FKBP7: variants seen among roughly 807,000 people sequenced by gnomAD.
The protein encoded by FKBP7 is peptidyl-prolyl cis-trans isomerase FKBP7.
FKBP7 carries 24 observed loss-of-function variants against 24.3 expected under a neutral mutation model. The observed-to-expected ratio is 0.99, with a 90% CI of 0.72 to 1.39. The LOEUF is 1.39. FKBP7 is among the 40% of genes most tolerant of loss of function. The probability of loss-of-function intolerance (pLI) is 0.00; values close to 1 mark genes in which losing one functional copy is unlikely to be tolerated. For synonymous variants in FKBP7, 98 were observed against 92.8 expected, an observed-to-expected ratio of 1.06 and a Z score of -0.32; for missense variants, 257 against 269.5, an observed-to-expected ratio of 0.95 and a Z score of 0.33.
chr2:178,463,838 C>CT lies in FKBP7; in HGVS notation c.*1931dup, dbSNP rs1220131122. ...TTACAAAGTTTAGATTATAGGGTGA[C>CT]TTCTTAATATGGATACAAAAAATTG... On this transcript the variant is annotated 3_prime_UTR_variant, in exon 4 of 4. Transcript: ENST00000424785. The CT allele has an allele frequency of 4.1e-4, 63 of 152,220 alleles. No homozygotes were observed. The highest frequency in any genetic ancestry group is 1.3e-3 in the African/African-American group (56 of 41,514). 9.4% of individuals were successfully genotyped at this position (152,220 alleles called of 1,614,324 possible). A position where few individuals can be genotyped will look rare whatever the true frequency, so the allele number is the denominator to read the frequency against.
chr2:178,477,088 G>A lies in FKBP7; in HGVS notation c.347C>T (p.Ser116Leu), dbSNP rs1402375150. ...ATAGCCTTCCTTTCCGTATGCAAAT[G>A]AAGGGGGTATAACTACTTTTCGCTT... ...GEKRKVVIPP[S>L]FAYGKEGYAE... The change falls in exon 2 of 4, where the codon TCA becomes TTA. Residue 116 changes from serine to leucine, a missense_variant. Ser to Leu is a moderately radical substitution (Grantham distance 145). Transcript: ENST00000424785. The A allele has an allele frequency of 6.2e-7, 1 of 1,605,930 alleles. No homozygotes were observed. Among genetic ancestry groups the A allele is most frequent in the South Asian group, 1.1e-5 (1 of 89,218 alleles).
intron 3 of FKBP7, 103 bp downstream of exon 3, chr2:178,469,549 A>G (rs1355703566): frequency 1.6e-5 from 19 of 1,186,290 alleles, no homozygotes; most frequent in Non-Finnish European, 2.2e-5. Flanking sequence ...AGCAGTGATC[A>G]GAGCCCATGC....
At chr2:178,469,625 T>A in intron 3 of FKBP7, 27 bp downstream of exon 3, 2 of 1,612,030 alleles carry the variant, frequency 1.2e-6, no homozygotes, top group Non-Finnish European at 1.7e-6. Flanking sequence ...AAAATTAGAC[T>A]ATACACATGA....
rs1242664110 is a variant in FKBP7 at position 178,478,326 on chromosome 2, G to T, written c.174C>A (p.Ala58=). The T allele has an allele frequency of 1.2e-6, 2 of 1,614,040 alleles. No individual in the cohort carries two copies. The highest frequency in any genetic ancestry group is 1.7e-5 in the Admixed American group (1 of 60,022). ...KTSKKGDLLN[A]HYDGYLAKDG... is the part of the protein sequence containing the mutation. Reference sequence around the variant, plus strand: ...CTTTAGCCAGGTAGCCGTCATAATGGGCATTTAGTAGGTCTCCCTTCTTGC... The same window carrying T: ...CTTTAGCCAGGTAGCCGTCATAATGTGCATTTAGTAGGTCTCCCTTCTTGC... Residue 58 remains alanine, a synonymous_variant, in exon 1 of 4, where the codon GCC becomes GCA. Transcript: ENST00000424785.
chr2:178,477,149 G>C lies in FKBP7; in HGVS notation c.286C>G (p.Leu96Val). 1.9e-6 allele frequency: 3 copies of C among 1,612,866 alleles called. No individual in the cohort carries two copies. Among genetic ancestry groups the C allele is most frequent in the Non-Finnish European group, 2.5e-6 (3 of 1,179,396 alleles). Reference protein sequence around the residue: ...VLGVGQVIKGLDIAMTDMCPG... With the variant: ...VLGVGQVIKGVDIAMTDMCPG... Reference sequence around the variant, plus strand: ...CACATATCTGTCATAGCAATGTCTAGGCCTTTTATGACTTGCCCAACACCA... The same window carrying C: ...CACATATCTGTCATAGCAATGTCTACGCCTTTTATGACTTGCCCAACACCA... Residue 96 changes from leucine to valine, a missense_variant, in exon 2 of 4, where the codon CTA becomes GTA. Physicochemically the swap from Leu to Val is conservative, Grantham distance 32 (BLOSUM62 1). Transcript: ENST00000424785.
chr2:178,465,792 A>G lies in FKBP7; in HGVS notation c.647T>C (p.Val216Ala). The change falls in exon 4 of 4, where the codon GTA becomes GCA. Residue 216 changes from valine to alanine, a missense_variant. Val to Ala is a moderately conservative substitution (Grantham distance 64). Coordinates refer to ENST00000424785, the MANE Select transcript of FKBP7 (RefSeq NM_181342.3). Reference sequence around the variant, plus strand: ...ATGCTATAGTTCATCGTGTTGGTATACATTGTATTCCTTGGGAGAAATGAA... The same window carrying G: ...ATGCTATAGTTCATCGTGTTGGTATGCATTGTATTCCTTGGGAGAAATGAA... ...DGFISPKEYN[V>A]YQHDEL 1 of 1,604,882 alleles carries G rather than the reference A, an allele frequency of 6.2e-7. No individual in the cohort carries two copies. The highest frequency in any genetic ancestry group is 1.3e-5 in the African/African-American group (1 of 74,556).
intron 2 of FKBP7, among the ~76,000 whole-genome samples, chr2:178,474,004 A>G (rs1050795977): frequency 6.6e-6 from 1 of 152,116 alleles, no homozygotes; most frequent in Non-Finnish European, 1.5e-5. Flanking sequence ...ACTGGGTCTG[A>G]CTCAAAGCAC....
chr2:178,476,165 A>G (rs532166155), intron 2 of FKBP7, among the ~76,000 whole-genome samples: 1 of 152,356 alleles, frequency 6.6e-6, no homozygotes, highest in East Asian at 1.9e-4. Context: ...ATATATAATC[A>G]TCATGAGTGT....
rs1052629325 is a variant in FKBP7, at chr2:178,474,714, G to T, written c.373+2348C>A. Reference sequence around the variant, plus strand: ...TGTCCACTTTTTTTTTTGAGCCAGGGTCTTGCTGTGTTGCCCAGATTGGAG... The same window carrying T: ...TGTCCACTTTTTTTTTTGAGCCAGGTTCTTGCTGTGTTGCCCAGATTGGAG... On this transcript the variant is annotated intron_variant, in intron 2 of 3. Coordinates refer to ENST00000424785, the MANE Select transcript of FKBP7 (RefSeq NM_181342.3). 3.9e-5 allele frequency among the ~76,000 whole-genome samples: 6 copies of T among 152,024 alleles called. No homozygotes were observed. The East Asian group carries it at 9.6e-4, about 24-fold the overall frequency.
chr2:178,469,145 A>G (rs1427818626), intron 3 of FKBP7, among the ~76,000 whole-genome samples: 1 of 152,188 alleles, frequency 6.6e-6, no homozygotes, highest in African/African-American at 2.4e-5. Flanking sequence ...TGTTGAGATT[A>G]TAGGCATGAG....
At chr2:178,477,299 T>TCTAA (rs1221785382) in intron 1 of FKBP7, 86 bp from the exon 2 acceptor site, 47 of 1,343,746 alleles carry the variant, frequency 3.5e-5, no homozygotes, top group Non-Finnish European at 4.3e-5. Context: ...TGGAGTCCTC[T>TCTAA]CTAACCATCA....
At chr2:178,476,988 A>C in intron 2 of FKBP7, 74 bp downstream of exon 2, 2 of 1,078,408 alleles carry the variant, frequency 1.9e-6, no homozygotes, top group Non-Finnish European at 2.7e-6. Flanking sequence ...ATTCTTTCAG[A>C]CCTATATACC....
chr2:178,469,535 TA>T, intron 3 of FKBP7, 116 bp downstream of exon 3: 2 of 1,055,416 alleles, frequency 1.9e-6, no homozygotes, highest in Non-Finnish European at 1.4e-6. Flanking sequence ...ACCAGCTCTA[TA>T]AAAGCAGTGA....
chr2:178,478,020 T>C (rs372702935), intron 1 of FKBP7, among the ~76,000 whole-genome samples: 28 of 152,210 alleles, frequency 1.8e-4, no homozygotes, highest in African/African-American at 6.8e-4. Context: ...CCAAGGGTAA[T>C]GGTGGTGGTT....
In FKBP7 at chr2:178,478,424, GTC is replaced by G; in HGVS notation, c.74_75del (p.Arg25ThrfsTer23). The G allele has an allele frequency of 6.2e-7, 1 of 1,613,694 alleles. No homozygotes were observed. Among genetic ancestry groups the G allele is most frequent in the Non-Finnish European group, 8.5e-7 (1 of 1,179,672 alleles). ...TCTTCGGTGCTCTCCTCTTTCTTTT[GTC>G]TCTGAGCAGTAAAAAGGCCCCACAG... is the stretch of plus-strand genomic sequence containing the variant. ...FYLWGLFTAQ[R>X]QKKEESTEEV... On this transcript the variant is annotated frameshift_variant, in exon 1 of 4. Coordinates refer to ENST00000424785, the MANE Select transcript of FKBP7 (RefSeq NM_181342.3). LOFTEE classifies it high-confidence loss of function.
intron 3 of FKBP7, among the ~76,000 whole-genome samples, chr2:178,466,925 C>T (rs1684679167): frequency 1.3e-5 from 2 of 152,110 alleles, no homozygotes; most frequent in African/African-American, 4.8e-5. Flanking sequence ...TTTAGCAATA[C>T]ATATCCCAGG....
In FKBP7 at chr2:178,469,792, G is replaced by A. The variant is rs372488400; in HGVS notation, c.374-7C>T. 6.2e-7 allele frequency: 1 copy of A among 1,609,958 alleles called. No homozygotes were observed. Among genetic ancestry groups the A allele is most frequent in the Non-Finnish European group, 8.5e-7 (1 of 1,178,772 alleles). ...GGTGGAATCTTGCCTTCTGCTAAGG[G>A]TATAAATTTTAACAGTTTAACTTAT... On this transcript the variant is annotated splice_region_variant and splice_polypyrimidine_tract_variant and intron_variant, in intron 2 of 3. Coordinates refer to ENST00000424785, the MANE Select transcript of FKBP7 (RefSeq NM_181342.3).
At chr2:178,466,125 A>G (rs1169779731) in intron 3 of FKBP7, among the ~76,000 whole-genome samples, 194 bp from the exon 4 acceptor site, 1 of 152,192 alleles carries the variant, frequency 6.6e-6, no homozygotes, top group Non-Finnish European at 1.5e-5. Context: ...ACAGGTCTTC[A>G]AATTAGTTTT....
rs114398319 is a variant in FKBP7, at chr2:178,475,225, C to T, written c.373+1837G>A. On this transcript the variant is annotated intron_variant, in intron 2 of 3. Transcript: ENST00000424785. ...AATGGAACTATTGGATAAGAAGGCA[C>T]GTGCATTTTCACTTTTTTTTTTGAG... 4.9e-4 allele frequency among the ~76,000 whole-genome samples: 75 copies of T among 151,984 alleles called. No individual in the cohort carries two copies. In the South Asian group the frequency reaches 0.014, roughly 29 times the overall value.
Sources: allele counts gnomAD v4.1 joint callset (sites outside exome capture counted in the v4.1 genomes callset), GRCh38; gene constraint gnomAD v4.1.1; transcripts MANE v1.5; gene names NCBI Gene and HGNC (gene_info 2026-07-23, HGNC 2026-07-21).